Variants in UTP20 observed in about 807,000 individuals in gnomAD.
UTP20 encodes the protein UTP20 small subunit processome component, also known as small subunit processome component 20 homolog.
UTP20 carries 164 observed loss-of-function variants against 329.5 expected under a neutral mutation model. That is an observed-to-expected ratio of 0.50 (90% CI 0.44 to 0.57). UTP20 has a LOEUF of 0.57. Ranked by LOEUF, UTP20 falls within the 20% of genes least tolerant of loss-of-function variation. The pLI is 0.00. For missense variants in UTP20, 3,055 were observed against 3,284.2 expected (o/e 0.93, Z 1.71); for synonymous variants, 1,151 against 1,159.3 (o/e 0.99, Z 0.14).
chr12:101,344,731 G>T lies in UTP20; in HGVS notation c.4586G>T (p.Gly1529Val), dbSNP rs1362498186. ...HRSLLEKLRK[G>V]LKSQTESIQQ... ...TCACTCCTGGAGAAATTGAGAAAAG[G>T]TCTGAAGAGCCAGACAGAGGTATAT... Residue 1529 changes from glycine (G) to valine (V), a missense_variant, in exon 36 of 62, where the codon GGT (glycine) becomes GTT (valine). Around this residue, in one of 3 missense-constraint regions of UTP20, gnomAD observed 2,445 missense variants for 2,575.5 expected, o/e 0.95. Transcript: ENST00000261637. 4 of 1,613,780 alleles carry T rather than the reference G, an allele frequency of 2.5e-6. No individual in the cohort carries two copies. Among genetic ancestry groups the T allele is most frequent in the Non-Finnish European group, 3.4e-6 (4 of 1,179,884 alleles).
Position 101,329,278 on chromosome 12 carries a change from C to T in UTP20, c.3246C>T (p.Asp1082=). The change falls in exon 27 of 62, where the codon GAC becomes GAT. Residue 1082 remains aspartate, a synonymous_variant. Coordinates refer to ENST00000261637, the MANE Select transcript of UTP20 (RefSeq NM_014503.3). ...CTGCAGTCATTCAAGCAGTAGAAGACTTGGATTTGTCTAAAGTTCTTCCTT... is the reference window on the plus strand; with the variant it reads ...CTGCAGTCATTCAAGCAGTAGAAGATTTGGATTTGTCTAAAGTTCTTCCTT... ...CHSAVIQAVE[D]LDLSKVLPLG... 1 of 1,614,120 alleles carries T rather than the reference C, an allele frequency of 6.2e-7. No individual in the cohort carries two copies. The highest frequency in any genetic ancestry group is 8.5e-7 in the Non-Finnish European group (1 of 1,180,020).
chr12:101,326,533 G>GTT (rs10634411), intron 25 of UTP20, among the ~76,000 whole-genome samples: 88,297 of 151,454 alleles, frequency 0.58, 28,479 homozygotes, highest in East Asian at 0.94. Context: ...ATATTTATGT[G>GTT]TTTTCCTGAA....
At chr12:101,342,294 C>T (rs977358517) in intron 32 of UTP20, 152 bp from the exon 33 acceptor site, 63 of 610,812 alleles carry the variant, frequency 1.0e-4, no homozygotes, top group African/African-American at 1.7e-4. Flanking sequence ...AATTAAAATG[C>T]TAAAAACTTT....
At chr12:101,288,869 C>T (rs759719863) in intron 5 of UTP20, 91 bp from the exon 6 acceptor site, 41 of 1,143,540 alleles carry the variant, frequency 3.6e-5, no homozygotes, top group Admixed American at 8.7e-5. Context: ...CTTGCATACC[C>T]AGCACATTGT....
chr12:101,299,570 A>G, intron 12 of UTP20, 112 bp from the exon 13 acceptor site: 2 of 1,042,234 alleles, frequency 1.9e-6, no homozygotes, highest in Non-Finnish European at 2.7e-6. Context: ...ACCACCACCA[A>G]TTCCTTCCCT....
At position 101,338,242 on chromosome 12, in the gene UTP20, G is replaced by A; in HGVS notation, c.3833G>A (p.Gly1278Glu). 1 of 1,614,098 alleles carries A rather than the reference G, an allele frequency of 6.2e-7. No homozygotes were observed. Reference sequence around the variant, plus strand: ...ACAGTTTTGAACTTGCTGGTAACTGGATGTGTATACCCTGGCATAGCAGAA... The same window carrying A: ...ACAGTTTTGAACTTGCTGGTAACTGAATGTGTATACCCTGGCATAGCAGAA... ...TETVLNLLVT[G>E]CVYPGIAENI... Residue 1278 changes from glycine to glutamate, a missense_variant, in exon 30 of 62, where the codon GGA (glycine) becomes GAA (glutamate). By Grantham distance (98) the Gly-to-Glu change is moderately conservative (BLOSUM62 -2). Transcript: ENST00000261637.
chr12:101,296,187 A>G (rs1436868217), intron 12 of UTP20, among the ~76,000 whole-genome samples: 1 of 152,186 alleles, frequency 6.6e-6, no homozygotes, highest in African/African-American at 2.4e-5. Context: ...AGTCATATGT[A>G]GTTTTATCCT....
rs1214415864 is a variant in UTP20 at position 101,293,085 on chromosome 12, A to G, written c.1174-83A>G. The G allele has an allele frequency of 2.9e-6, 4 of 1,391,428 alleles. No individual in the cohort carries two copies. In the African/African-American group the frequency reaches 5.7e-5, roughly 20 times the overall value. The allele number at this position is 1,391,428 out of a possible 1,614,324, so 86.2% of individuals were successfully genotyped here. On this transcript the variant is annotated intron_variant, in intron 10 of 61. Coordinates refer to ENST00000261637, the MANE Select transcript of UTP20 (RefSeq NM_014503.3). ...GAGCACTGAGTGAAGTGTCCCTGCCATTCCCTTCTATAGCTGCTTGCTGGG... is the reference window on the plus strand; with the variant it reads ...GAGCACTGAGTGAAGTGTCCCTGCCGTTCCCTTCTATAGCTGCTTGCTGGG...
At position 101,302,500 on chromosome 12, in the gene UTP20, A is replaced by C. The variant is rs751820486; in HGVS notation, c.1728A>C (p.Glu576Asp). ...QAVNTLLSLEESSELLHLVPV... is the reference protein window; with the variant it reads ...QAVNTLLSLEDSSELLHLVPV... ...TAAATACTCTACTAAGTTTGGAAGAATCTTCTGAACTTCTTCATTTGGTTC... is the reference window on the plus strand; with the variant it reads ...TAAATACTCTACTAAGTTTGGAAGACTCTTCTGAACTTCTTCATTTGGTTC... The change falls in exon 15 of 62, where the codon GAA becomes GAC. Residue 576 changes from glutamate (E) to aspartate (D), a missense_variant. Glu to Asp is a conservative substitution (Grantham distance 45, BLOSUM62 2). Around this residue, in one of 3 missense-constraint regions of UTP20, gnomAD observed 2,445 missense variants for 2,575.5 expected, o/e 0.95. Transcript: ENST00000261637. The C allele has an allele frequency of 1.6e-5, 26 of 1,610,982 alleles. No individual in the cohort carries two copies. Among genetic ancestry groups the C allele is most frequent in the Non-Finnish European group, 2.1e-5 (25 of 1,179,328 alleles).
rs530350904 is a variant in UTP20, at chr12:101,381,317, G to A, written c.7656+106G>A. The stretch of plus-strand genomic sequence containing the variant: ...GAGGCCGAGGCGGCCAGATCACCCC[G>A]AGGTCAGGAGTTCGAGATGAGCCTG... On this transcript the variant is annotated intron_variant, in intron 58 of 61. Transcript: ENST00000261637. 91 of 916,164 alleles carry A rather than the reference G, an allele frequency of 9.9e-5. 1 individual carries two copies. Among genetic ancestry groups the A allele is most frequent in the African/African-American group, 6.8e-4 (41 of 59,992 alleles). The allele number at this position is 916,164 out of a possible 1,614,324, so 56.8% of individuals were successfully genotyped here. A position where few individuals can be genotyped will look rare whatever the true frequency, so the allele number is the denominator to read the frequency against.
In UTP20 at chr12:101,386,080, G is replaced by A. The variant is rs1870820063; in HGVS notation, c.8315G>A (p.Arg2772Lys). 2 of 1,607,488 alleles carry A rather than the reference G, an allele frequency of 1.2e-6. No individual in the cohort carries two copies. The highest frequency in any genetic ancestry group is 1.3e-5 in the African/African-American group (1 of 74,218). ...EFLRPGYKAK[R>K]QKSHSLKDLA... ...CTGCGTCCAGGATATAAGGCCAAGA[G>A]ACAAAAAAGCCATAGCCTGAAAGAT... The change falls in exon 62 of 62, where the codon AGA (arginine) becomes AAA (lysine). Residue 2772 changes from arginine (R) to lysine (K), a missense_variant. Arg to Lys is a conservative substitution (Grantham distance 26, BLOSUM62 2). Coordinates refer to ENST00000261637, the MANE Select transcript of UTP20 (RefSeq NM_014503.3).
intron 45 of UTP20, among the ~76,000 whole-genome samples, chr12:101,365,235 C>T (rs1031599449): frequency 1.3e-4 from 20 of 151,838 alleles, no homozygotes; most frequent in African/African-American, 2.2e-4. Context: ...GAGGAAACCC[C>T]GAGGCTCACA....
chr12:101,331,216 C>T (rs1238783992), intron 27 of UTP20, among the ~76,000 whole-genome samples: 1 of 152,094 alleles, frequency 6.6e-6, no homozygotes, highest in East Asian at 1.9e-4. Context: ...GGGCAGCTGG[C>T]ACTTTAGTTA....
In UTP20 at chr12:101,345,573, C is replaced by A. The variant is rs1461696490; in HGVS notation, c.4625C>A (p.Thr1542Asn). 1 of 1,597,044 alleles carries A rather than the reference C, an allele frequency of 6.3e-7. No individual in the cohort carries two copies. The highest frequency in any genetic ancestry group is 1.7e-5 in the Admixed American group (1 of 59,052). Residue 1542 changes from threonine to asparagine, a missense_variant, in exon 37 of 62, where the codon ACC (threonine) becomes AAC (asparagine). Thr to Asn is a moderately conservative substitution (Grantham distance 65, BLOSUM62 0). Coordinates refer to ENST00000261637, the MANE Select transcript of UTP20 (RefSeq NM_014503.3). ...SQTESIQQDY[T>N]TILSCLIQTF... ...TTACAGAGTATTCAGCAGGATTATA[C>A]CACAATACTTTCCTGTTTAATTCAA...
rs772469775 is a variant in UTP20, at chr12:101,379,557, A to G, written c.7583A>G (p.Lys2528Arg). The change falls in exon 57 of 62, where the codon AAG becomes AGG. Residue 2528 changes from lysine to arginine, a missense_variant and splice_region_variant. Transcript: ENST00000261637. Reference sequence around the variant, plus strand: ...TTCCTAGCCAGTGACCTTGACCAAAAGGTAAGCTTTCTCTCAAACCTTTTC... The same window carrying G: ...TTCCTAGCCAGTGACCTTGACCAAAGGGTAAGCTTTCTCTCAAACCTTTTC... The part of the protein sequence containing the change: ...IKFLASDLDQ[K>R]MKSISLASCH... The G allele has an allele frequency of 6.2e-7, 1 of 1,608,372 alleles. No homozygotes were observed. Among genetic ancestry groups the G allele is most frequent in the South Asian group, 1.1e-5 (1 of 90,590 alleles).
rs537149110 is a variant in UTP20 at position 101,354,990 on chromosome 12, G to A, written c.5266G>A (p.Glu1756Lys). ...DSGGTSAKES[E>K]CITKPVSFLP... ...TGGAGGAACATCAGCTAAAGAATCC[G>A]AGTGTATCACAAAGCCTGTCTCTTT... The change falls in exon 41 of 62, where the codon GAG (glutamate) becomes AAG (lysine). Residue 1756 changes from glutamate (E) to lysine (K), a missense_variant. Glu to Lys is a moderately conservative substitution (Grantham distance 56). This residue lies in a region of UTP20 where 2,445 missense variants were observed against 2,575.5 expected (regional missense o/e 0.95). Coordinates refer to ENST00000261637, the MANE Select transcript of UTP20 (RefSeq NM_014503.3). 33 of 1,614,180 alleles carry A rather than the reference G, an allele frequency of 2.0e-5. No individual in the cohort carries two copies. The highest frequency in any genetic ancestry group is 1.3e-4 in the African/African-American group (10 of 75,042).
rs538955239 is a variant in UTP20, at chr12:101,324,148, A to T, written c.3041+2519A>T. Among the ~76,000 whole-genome samples, 390 of 143,744 alleles carry T rather than the reference A, an allele frequency of 2.7e-3. 1 individual carries two copies. The highest frequency in any genetic ancestry group is 4.7e-3 in the Non-Finnish European group (307 of 64,844). The allele number at this position is 143,744 out of a possible 152,430, so 94.3% of individuals were successfully genotyped here. ...CGAGACTCTGTCTCAAAAAAATAAA[A>T]AAATAAATAAATAAATAATAATAAT... On this transcript the variant is annotated intron_variant, in intron 25 of 61. Transcript: ENST00000261637.
At position 101,319,554 on chromosome 12, in the gene UTP20, T is replaced by C; in HGVS notation, c.2748T>C (p.Ile916=). 1 of 1,603,396 alleles carries C rather than the reference T, an allele frequency of 6.2e-7. No individual in the cohort carries two copies. The change falls in exon 23 of 62, where the codon ATT becomes ATC. Residue 916 remains isoleucine (I), a synonymous_variant. Transcript: ENST00000261637. ...TTTTGTTTTTGTTTAGGCAATTAAT[T>C]GCTCATTTGCAAGTTTTCTCTAAAT... The part of the protein sequence containing the change: ...KTRRAAAKQL[I]AHLQVFSKFS...
rs925630678 is a variant in UTP20 at position 101,326,892 on chromosome 12, T to C, written c.3042-189T>C. The C allele has an allele frequency of 1.0e-5, 6 of 586,618 alleles. No individual in the cohort carries two copies. The East Asian group carries it at 1.7e-4, about 17-fold the overall frequency. The allele number at this position is 586,618 out of a possible 1,614,324, so 36.3% of individuals were successfully genotyped here. On this transcript the variant is annotated intron_variant, in intron 25 of 61. Coordinates refer to ENST00000261637, the MANE Select transcript of UTP20 (RefSeq NM_014503.3). Reference sequence around the variant, plus strand: ...GCACGTAGCACTGCACCCAGCTCTCTTAGCCTTATTTTGTTGTTGACTTTT... The same window carrying C: ...GCACGTAGCACTGCACCCAGCTCTCCTAGCCTTATTTTGTTGTTGACTTTT...
Sources: gnomAD v4.1 joint callset for allele counts (sites outside exome capture counted in the v4.1 genomes callset) on GRCh38, gnomAD v4.1.1 for gene constraint, gnomAD v4.1.1 regional missense constraint, MANE v1.5 for transcripts, NCBI Gene and HGNC (gene_info 2026-07-23, HGNC 2026-07-21) for gene names.